MAP2: variants seen among roughly 807,000 people sequenced by gnomAD.
The protein encoded by MAP2 is microtubule associated protein 2.
Under a neutral mutation model 137.6 loss-of-function variants are expected in MAP2, and 14 were observed. That is an observed-to-expected ratio of 0.10 (90% CI 0.07 to 0.16). The LOEUF (loss-of-function observed/expected upper bound fraction) is 0.16, where lower values mean the gene tolerates loss of function less well. MAP2 is among the 10% of genes least tolerant of loss of function. MAP2 has a pLI of 1.00. For missense variants in MAP2, 2,088 were observed against 2,191.5 expected (o/e 0.95, Z 0.94); for synonymous variants, 786 against 782.3 (o/e 1.00, Z -0.08).
chr2:209,685,293 A>C (rs2056589974), intron 7 of MAP2, among the ~76,000 whole-genome samples: 1 of 152,176 alleles, frequency 6.6e-6, no homozygotes, highest in African/African-American at 2.4e-5. Context: ...AAAATCTTAC[A>C]AATAAATATT....
chr2:209,578,578 G>C (rs2075725995), intron 2 of MAP2, among the ~76,000 whole-genome samples: 1 of 151,406 alleles, frequency 6.6e-6, no homozygotes, highest in East Asian at 1.9e-4. Context: ...TGGCCTTTTT[G>C]GTTCTCATCG....
At chr2:209,485,655 ACTTT>A (rs2058287909) in intron 1 of MAP2, among the ~76,000 whole-genome samples, 1 of 152,226 alleles carries the variant, frequency 6.6e-6, no homozygotes, top group Non-Finnish European at 1.5e-5. Flanking sequence ...ACTAAGCAAG[ACTTT>A]CTATGTGGAA....
chr2:209,692,997 A>T lies in MAP2; in HGVS notation c.827A>T (p.Asp276Val), dbSNP rs370541070. Reference protein sequence around the residue: ...FIEMPTEAKKDEWGLVAPISP... With the variant: ...FIEMPTEAKKVEWGLVAPISP... ...GAAATGCCAACGGAAGCAAAAAAGGATGAGTGGGGTTTAGTTGCCCCCATA... is the reference window on the plus strand; with the variant it reads ...GAAATGCCAACGGAAGCAAAAAAGGTTGAGTGGGGTTTAGTTGCCCCCATA... Residue 276 changes from aspartate (D) to valine (V), a missense_variant, in exon 8 of 16, where the codon GAT (aspartate) becomes GTT (valine). Transcript: ENST00000682079. The T allele has an allele frequency of 1.6e-5, 26 of 1,613,600 alleles. No homozygotes were observed. In the African/African-American group the frequency reaches 3.3e-4, roughly 21 times the overall value.
In MAP2 at chr2:209,567,492, G is replaced by T. The variant is rs141619584; in HGVS notation, c.-171-12544G>T. 4.0e-3 allele frequency among the ~76,000 whole-genome samples: 613 copies of T among 152,122 alleles called. 5 individuals are homozygous for T. Among genetic ancestry groups the T allele is most frequent in the African/African-American group, 0.014 (577 of 41,508 alleles). On this transcript the variant is annotated intron_variant, in intron 2 of 15. Transcript: ENST00000682079. Reference sequence around the variant, plus strand: ...TCAAGAAAAAGGTCAGTGGTCCTGGGGGTGTGGAAATTTCTCTTCCAGACA... The same window carrying T: ...TCAAGAAAAAGGTCAGTGGTCCTGGTGGTGTGGAAATTTCTCTTCCAGACA...
At chr2:209,512,271 T>C (rs34156640) in intron 2 of MAP2, among the ~76,000 whole-genome samples, 8,896 of 152,048 alleles carry the variant, frequency 0.059, 297 homozygotes, top group South Asian at 0.092. Flanking sequence ...ACCTTGTGTC[T>C]GATAAATATG....
chr2:209,482,290 A>C (rs1283527148), intron 1 of MAP2, among the ~76,000 whole-genome samples: 3 of 152,200 alleles, frequency 2.0e-5, no homozygotes, highest in Non-Finnish European at 4.4e-5. Context: ...ACATGAAAAA[A>C]TGTTTGCATA....
At chr2:209,434,831 CTCTATATATATA>C (rs1210890352) in intron 1 of MAP2, among the ~76,000 whole-genome samples, 2 of 110,444 alleles carry the variant, frequency 1.8e-5, no homozygotes, top group African/African-American at 8.9e-5. Flanking sequence ...CTCTCTCTCT[CTCTATATATATA>C]TATATGTTAT....
At position 209,512,359 on chromosome 2, in the gene MAP2, A is replaced by G. The variant is rs112782329; in HGVS notation, c.-172+4718A>G. Among the ~76,000 whole-genome samples, 933 of 152,044 alleles carry G rather than the reference A, an allele frequency of 6.1e-3. 6 individuals carry two copies. The highest frequency in any genetic ancestry group is 0.021 in the African/African-American group (878 of 41,522). On this transcript the variant is annotated intron_variant, in intron 2 of 15. Transcript: ENST00000682079. ...ATGTCTGGCATATGGGGATTGCTAA[A>G]TAAATAGGAGTGTTTGTTCCATTGA...
chr2:209,474,558 G>A (rs907619169), intron 1 of MAP2, among the ~76,000 whole-genome samples: 1 of 151,872 alleles, frequency 6.6e-6, no homozygotes, highest in African/African-American at 2.4e-5. Context: ...ATAATCTCCT[G>A]CTTTGAAGAT....
At chr2:209,521,425 T>G (rs1290200543) in intron 2 of MAP2, among the ~76,000 whole-genome samples, 1 of 151,874 alleles carries the variant, frequency 6.6e-6, no homozygotes, top group Admixed American at 6.6e-5. Flanking sequence ...CACCCCCTCT[T>G]TTGTCATTAC....
intron 2 of MAP2, among the ~76,000 whole-genome samples, chr2:209,516,084 T>C (rs576251841): frequency 1.2e-3 from 186 of 152,252 alleles, no homozygotes; most frequent in African/African-American, 4.3e-3. Flanking sequence ...CGTGAGCCAC[T>C]GCACCTGGCC....
intron 1 of MAP2, among the ~76,000 whole-genome samples, chr2:209,433,912 C>T (rs2149311917): frequency 6.6e-6 from 1 of 152,104 alleles, no homozygotes; most frequent in Non-Finnish European, 1.5e-5. Context: ...AAAAAAAATT[C>T]CATTCTCAAT....
chr2:209,546,945 G>T (rs1430506047), intron 2 of MAP2, among the ~76,000 whole-genome samples: 1 of 152,056 alleles, frequency 6.6e-6, no homozygotes, highest in Admixed American at 6.6e-5. Flanking sequence ...TTTAAGCATG[G>T]AGCACACTTT....
At chr2:209,522,375 T>C (rs1199125563) in intron 2 of MAP2, among the ~76,000 whole-genome samples, 1 of 152,064 alleles carries the variant, frequency 6.6e-6, no homozygotes, top group Non-Finnish European at 1.5e-5. Context: ...AATAAAATGA[T>C]TTGGAAGAAG....
At chr2:209,526,407 A>G (rs1476912404) in intron 2 of MAP2, among the ~76,000 whole-genome samples, 1 of 151,938 alleles carries the variant, frequency 6.6e-6, no homozygotes, top group East Asian at 1.9e-4. Flanking sequence ...ATATAAAATT[A>G]ATATCCACAT....
intron 1 of MAP2, among the ~76,000 whole-genome samples, chr2:209,483,628 A>AT (rs1255197826): frequency 1.3e-5 from 2 of 152,184 alleles, no homozygotes; most frequent in Non-Finnish European, 2.9e-5. Context: ...TCTTTATTGT[A>AT]TTTTGTCGAT....
rs114420638 is a variant in MAP2 at position 209,532,606 on chromosome 2, G to A, written c.-172+24965G>A. Among the ~76,000 whole-genome samples the A allele has an allele frequency of 5.9e-3, 905 of 152,266 alleles. 8 individuals are homozygous for A. Among genetic ancestry groups the A allele is most frequent in the African/African-American group, 0.021 (878 of 41,538 alleles). The stretch of plus-strand genomic sequence containing the variant: ...CTCTAAAGTATACTATGATGCCTAT[G>A]TGCCTAATCTCACAGATTCCTAAAT... On this transcript the variant is annotated intron_variant, in intron 2 of 15. Coordinates refer to ENST00000682079, the MANE Select transcript of MAP2 (RefSeq NM_001375505.1).
At chr2:209,617,104 T>G (rs2153508143) in intron 3 of MAP2, among the ~76,000 whole-genome samples, 1 of 152,188 alleles carries the variant, frequency 6.6e-6, no homozygotes, top group Non-Finnish European at 1.5e-5. Context: ...TTTTTAGGTT[T>G]TATGGCTGAC....
chr2:209,491,546 C>G (rs1194571194), intron 1 of MAP2, among the ~76,000 whole-genome samples: 1 of 151,916 alleles, frequency 6.6e-6, no homozygotes, highest in Non-Finnish European at 1.5e-5. Flanking sequence ...ATACATAGAC[C>G]ACTAGCCAGA....
Sources: gnomAD v4.1 joint callset for allele counts (sites outside exome capture counted in the v4.1 genomes callset) on GRCh38, gnomAD v4.1.1 for gene constraint, MANE v1.5 for transcripts, NCBI Gene and HGNC (gene_info 2026-07-23, HGNC 2026-07-21) for gene names.